Variants in FCGR2B observed in about 807,000 individuals in gnomAD.
FCGR2B encodes low affinity immunoglobulin gamma Fc region receptor II-b.
In FCGR2B, 18 loss-of-function variants were observed where a neutral mutation model predicts 24.8. That is an observed-to-expected ratio of 0.73 (90% CI 0.50 to 1.08). The LOEUF (loss-of-function observed/expected upper bound fraction) is 1.08. FCGR2B is among the 50% of genes least tolerant of loss of function. FCGR2B has a pLI of 0.00. For synonymous variants in FCGR2B, 79 were observed against 109.8 expected (o/e 0.72, Z 1.75); for missense variants, 215 against 297.6 (o/e 0.72, Z 2.04).
At chr1:161,653,944 C>T in the FCGR2B span, among the ~76,000 whole-genome samples, 15 of 127,714 alleles carry the variant, frequency 1.2e-4, 3 homozygotes, top group Admixed American at 9.7e-4. Context: ...GACTTGGCTG[C>T]GTGAAGACAG....
chr1:161,669,864 C>T (rs1326794905), intron 1 of FCGR2B, among the ~76,000 whole-genome samples: 2 of 70,090 alleles, frequency 2.9e-5, no homozygotes, highest in Non-Finnish European at 6.3e-5. Flanking sequence ...GCAATTTCTA[C>T]CCCCTCCCAA....
upstream of FCGR2B, chr1:161,663,134 TC>T: frequency 2.5e-5 from 1 of 40,024 alleles, no homozygotes; most frequent in East Asian, 3.3e-4. Context: ...CTTTTTCACT[TC>T]CCCTTTCAGA....
chr1:161,676,088 A>G, intron 6 of FCGR2B: 1 of 230,690 alleles, frequency 4.3e-6, no homozygotes, highest in Non-Finnish European at 8.6e-6. Context: ...CCCAGGTGGG[A>G]GTGTGTAAAG....
intron 3 of FCGR2B, chr1:161,672,561 G>A (rs10917663): frequency 5.4e-5 from 15 of 277,176 alleles, no homozygotes; most frequent in East Asian, 3.6e-4. Context: ...TATCATATGC[G>A]GACTCCTCGG....
At chr1:161,673,256 G>T in intron 4 of FCGR2B, 27 bp downstream of exon 4, 2 of 1,539,066 alleles carry the variant, frequency 1.3e-6, no homozygotes, top group Non-Finnish European at 1.8e-6. Context: ...AAGATGTAAG[G>T]AGGGGAGAAG....
At chr1:161,647,297 C>CTTTTTTTTTTTTTTTTT in the FCGR2B span, among the ~76,000 whole-genome samples, 1 of 122,540 alleles carries the variant, frequency 8.2e-6, no homozygotes, top group Admixed American at 8.2e-5. Flanking sequence ...GCTCTGGACT[C>CTTTTTTTTTTTTTTTTT]TTTTTTTTTT....
upstream of FCGR2B, among the ~76,000 whole-genome samples, chr1:161,661,480 C>T (rs1334895906): frequency 9.6e-6 from 1 of 103,636 alleles, no homozygotes; most frequent in Non-Finnish European, 2.0e-5. Context: ...AATATTGAAA[C>T]CCTCAAATTC....
intron 5 of FCGR2B, chr1:161,674,944 C>T: frequency 3.4e-6 from 1 of 292,862 alleles, no homozygotes; most frequent in Non-Finnish European, 6.3e-6. Flanking sequence ...TAAGTAAATA[C>T]AGAGAAACAG....
chr1:161,669,101 A>C (rs1681457974), intron 1 of FCGR2B, among the ~76,000 whole-genome samples: 2 of 135,610 alleles, frequency 1.5e-5, no homozygotes, highest in South Asian at 5.7e-4. Context: ...TTCTTAACCC[A>C]GTGGCATCCC....
At position 161,673,531 on chromosome 1, in the gene FCGR2B, G is replaced by T. The variant is rs1169504375; in HGVS notation, c.646+302G>T. ...GTGCAGAGGTTCCCTAAGCTCCTGG[G>T]CATTCCTAAGAACTGAGGTTTGCCT... On this transcript the variant is annotated intron_variant, in intron 4 of 7. Coordinates refer to ENST00000358671, the MANE Select transcript of FCGR2B (RefSeq NM_001394477.1). 4 of 730,326 alleles carry T rather than the reference G, an allele frequency of 5.5e-6. No homozygotes were observed. The East Asian group carries it at 8.0e-5, about 15-fold the overall frequency. 45.2% of individuals were successfully genotyped at this position (730,326 alleles called of 1,614,324 possible). A position where few individuals can be genotyped will look rare whatever the true frequency, so the allele number is the denominator to read the frequency against.
chr1:161,661,230 GAAAGAA>G (rs1557895066), upstream of FCGR2B, among the ~76,000 whole-genome samples: 4 of 71,694 alleles, frequency 5.6e-5, no homozygotes, highest in Non-Finnish European at 1.0e-4. Flanking sequence ...AAGAAAGAAA[GAAAGAA>G]AGAAAGAAAG....
chr1:161,652,273 G>A, the FCGR2B span, among the ~76,000 whole-genome samples: 1 of 132,548 alleles, frequency 7.5e-6, no homozygotes, highest in African/African-American at 2.6e-5. Flanking sequence ...GTTCTTGGGT[G>A]TTCTGTTCTA....
At chr1:161,658,942 A>G (rs1680899738), upstream of FCGR2B, among the ~76,000 whole-genome samples, 2 of 151,802 alleles carry the variant, frequency 1.3e-5, no homozygotes, top group Admixed American at 1.3e-4. Context: ...AAGTGGGTCT[A>G]TAAACACTAG....
intron 6 of FCGR2B, chr1:161,675,896 T>G (rs1395377019): frequency 1.3e-5 from 3 of 233,194 alleles, no homozygotes; most frequent in Admixed American, 5.6e-5. Flanking sequence ...CTGATGCCCA[T>G]GCACTCAAGG....
At chr1:161,671,735 G>T (rs1681683231) in intron 3 of FCGR2B, 86 bp downstream of exon 3, 4 of 1,593,612 alleles carry the variant, frequency 2.5e-6, no homozygotes, top group South Asian at 1.1e-5. Flanking sequence ...AGGAAAGGGG[G>T]GTGGCCTGCT....
At chr1:161,654,532 C>T in the FCGR2B span, among the ~76,000 whole-genome samples, 7 of 134,392 alleles carry the variant, frequency 5.2e-5, no homozygotes. Flanking sequence ...TGCTCCATTA[C>T]CTAGGTATGT....
the FCGR2B span, among the ~76,000 whole-genome samples, chr1:161,649,506 A>G: frequency 6.6e-6 from 1 of 150,968 alleles, no homozygotes; most frequent in Non-Finnish European, 1.5e-5. Context: ...AGTGACCACT[A>G]AATGACATCT....
chr1:161,677,373 A>T lies in FCGR2B; in HGVS notation c.855+8A>T, dbSNP rs1386242902. The T allele has an allele frequency of 6.2e-7, 1 of 1,612,820 alleles. No homozygotes were observed. Among genetic ancestry groups the T allele is most frequent in the Non-Finnish European group, 8.5e-7 (1 of 1,179,410 alleles). On this transcript the variant is annotated splice_region_variant and intron_variant, in intron 7 of 7. Coordinates refer to ENST00000358671, the MANE Select transcript of FCGR2B (RefSeq NM_001394477.1). ...GAGGCTGACAAAGTTGGGGTGAGTG[A>T]TCCCAGCCATCTCCCCCTCCCTTCT... is the stretch of plus-strand genomic sequence containing the variant.
rs959073099 is a variant in FCGR2B at position 161,678,174 on chromosome 1, A to T, written c.*621A>T. 4.5e-6 allele frequency: 1 copy of T among 223,536 alleles called. No homozygotes were observed. The highest frequency in any genetic ancestry group is 8.9e-6 in the Non-Finnish European group (1 of 112,050). 13.8% of individuals were successfully genotyped at this position (223,536 alleles called of 1,614,324 possible). A position where few individuals can be genotyped will look rare whatever the true frequency, so the allele number is the denominator to read the frequency against. On this transcript the variant is annotated 3_prime_UTR_variant, in exon 8 of 8. Transcript: ENST00000358671. ...CAGGAATGGATAGGATAGGGGGAGG[A>T]GAGGAGAGATGGGGATTTAGAATGT...
Sources: gnomAD v4.1 joint callset for allele counts (sites outside exome capture counted in the v4.1 genomes callset) on GRCh38, gnomAD v4.1.1 for gene constraint, MANE v1.5 for transcripts, NCBI Gene and HGNC (gene_info 2026-07-23, HGNC 2026-07-21) for gene names.